The following ALK variants were observed in gnomAD, a reference collection of about 807,000 sequenced individuals.
ALK encodes ALK tyrosine kinase receptor.
In ALK, 74 loss-of-function variants were observed where a neutral mutation model predicts 163.1. The observed-to-expected ratio is 0.45, with a 90% CI of 0.38 to 0.55. ALK has a LOEUF of 0.55. ALK is among the 20% of genes least tolerant of loss of function. The pLI is 0.00. For synonymous variants in ALK, 960 were observed against 843.2 expected, an observed-to-expected ratio of 1.14 and a Z score of -2.40; for missense variants, 2,063 against 2,105.3, an observed-to-expected ratio of 0.98 and a Z score of 0.39.
intron 4 of ALK, among the ~76,000 whole-genome samples, chr2:29,427,157 T>TG (rs57583561): frequency 6.6e-5 from 10 of 151,206 alleles, no homozygotes; most frequent in African/African-American, 2.4e-4. Context: ...CACAAAGGAT[T>TG]GGGGGGGGCA....
At chr2:29,858,578 C>T (rs375921972) in intron 1 of ALK, among the ~76,000 whole-genome samples, 1 of 130,602 alleles carries the variant, frequency 7.7e-6, no homozygotes, top group Admixed American at 7.7e-5. Flanking sequence ...ACTAAAAATA[C>T]AAAAAAAAAA....
intron 3 of ALK, among the ~76,000 whole-genome samples, chr2:29,661,166 T>C (rs1677335614): frequency 6.6e-6 from 1 of 152,148 alleles, no homozygotes; most frequent in South Asian, 2.1e-4. Flanking sequence ...CAAGATATTA[T>C]TATTCTTATT....
chr2:29,769,809 G>A (rs1680966942), intron 1 of ALK, among the ~76,000 whole-genome samples: 1 of 152,210 alleles, frequency 6.6e-6, no homozygotes, highest in Non-Finnish European at 1.5e-5. Context: ...GCAAACAACA[G>A]CAACAGCGGT....
At chr2:29,687,849 A>G (rs1406634377) in intron 3 of ALK, among the ~76,000 whole-genome samples, 2 of 152,190 alleles carry the variant, frequency 1.3e-5, no homozygotes, top group Non-Finnish European at 1.5e-5. Flanking sequence ...ATTGTGGTAT[A>G]ATATTTTAGG....
At position 29,672,054 on chromosome 2, in the gene ALK, C is replaced by CTTT. The variant is rs34783503; in HGVS notation, c.952+22793_952+22795dup. Among the ~76,000 whole-genome samples, 635 of 142,442 alleles carry CTTT rather than the reference C, an allele frequency of 4.5e-3. 5 individuals carry two copies. Among genetic ancestry groups the CTTT allele is most frequent in the African/African-American group, 0.016 (602 of 38,646 alleles). 93.4% of individuals were successfully genotyped at this position (142,442 alleles called of 152,430 possible). ...GGTATACATGCTTCCAGGACATTTT[C>CTTT]TTTTTTTTTTTTTCATTTGAATTAG... On this transcript the variant is annotated intron_variant, in intron 3 of 28. Coordinates refer to ENST00000389048, the MANE Select transcript of ALK (RefSeq NM_004304.5).
At chr2:29,259,535 A>G (rs1402322376) in intron 11 of ALK, among the ~76,000 whole-genome samples, 1 of 152,098 alleles carries the variant, frequency 6.6e-6, no homozygotes, top group East Asian at 1.9e-4. Context: ...AGTGTTGATA[A>G]TATATTTTTC....
At chr2:29,195,609 C>A (rs1314558059) in intron 28 of ALK, among the ~76,000 whole-genome samples, 2 of 152,144 alleles carry the variant, frequency 1.3e-5, no homozygotes, top group African/African-American at 4.8e-5. Flanking sequence ...GTGGCACATG[C>A]CTGTAATCCT....
At chr2:29,444,846 T>C (rs6705045) in intron 4 of ALK, among the ~76,000 whole-genome samples, 127,020 of 151,868 alleles carry the variant, frequency 0.84, 54,065 homozygotes, top group Non-Finnish European at 0.93. Flanking sequence ...CTAGGGCTGC[T>C]GGTTATAGTA....
chr2:29,587,640 A>T (rs889603227), intron 3 of ALK, among the ~76,000 whole-genome samples: 2 of 152,168 alleles, frequency 1.3e-5, no homozygotes, highest in Non-Finnish European at 2.9e-5. Flanking sequence ...AACTGTCCAT[A>T]GCTTCACTTC....
intron 19 of ALK, among the ~76,000 whole-genome samples, chr2:29,224,095 T>G (rs988415237): frequency 2.0e-5 from 3 of 152,216 alleles, no homozygotes; most frequent in Admixed American, 6.5e-5. Context: ...ATTTCTGCTG[T>G]GCTCAGCCAT....
intron 4 of ALK, among the ~76,000 whole-genome samples, chr2:29,441,448 G>A (rs1670542789): frequency 6.6e-6 from 1 of 152,224 alleles, no homozygotes. Flanking sequence ...GGGCCATGAA[G>A]GCCTGACTGG....
intron 5 of ALK, among the ~76,000 whole-genome samples, chr2:29,381,293 C>T (rs763044084): frequency 1.3e-5 from 2 of 152,238 alleles, no homozygotes; most frequent in African/African-American, 2.4e-5. Flanking sequence ...TTGCGCATGG[C>T]GAGTGCTCTG....
At chr2:29,351,897 G>T (rs1458636102) in intron 5 of ALK, among the ~76,000 whole-genome samples, 1 of 152,122 alleles carries the variant, frequency 6.6e-6, no homozygotes, top group Non-Finnish European at 1.5e-5. Flanking sequence ...TAAGATCCCA[G>T]GACTCTCCTG....
At chr2:29,811,821 G>A (rs1664768440) in intron 1 of ALK, among the ~76,000 whole-genome samples, 1 of 152,132 alleles carries the variant, frequency 6.6e-6, no homozygotes, top group African/African-American at 2.4e-5. Flanking sequence ...CATAAATGAT[G>A]TCCAGAGTAA....
intron 4 of ALK, among the ~76,000 whole-genome samples, chr2:29,492,914 G>T (rs1362135121): frequency 1.3e-5 from 2 of 152,132 alleles, no homozygotes; most frequent in African/African-American, 2.4e-5. Context: ...AGAAAAGAAT[G>T]CAGGAATCAT....
intron 4 of ALK, among the ~76,000 whole-genome samples, chr2:29,415,646 C>G (rs879781192): frequency 6.6e-6 from 1 of 152,144 alleles, no homozygotes; most frequent in Non-Finnish European, 1.5e-5. Context: ...CTAAGGGATA[C>G]CCAGATGGCT....
intron 4 of ALK, among the ~76,000 whole-genome samples, chr2:29,493,637 T>C (rs943104620): frequency 1.3e-5 from 2 of 152,162 alleles, no homozygotes; most frequent in African/African-American, 4.8e-5. Context: ...AGGTCTCAGT[T>C]TCCTCATCTG....
intron 4 of ALK, among the ~76,000 whole-genome samples, chr2:29,500,179 G>A (rs945415252): frequency 6.6e-6 from 1 of 152,208 alleles, no homozygotes; most frequent in Admixed American, 6.5e-5. Flanking sequence ...GTAATACCCA[G>A]TGTTGGAGGT....
intron 4 of ALK, among the ~76,000 whole-genome samples, chr2:29,456,771 T>G (rs958759271): frequency 1.3e-5 from 2 of 152,204 alleles, no homozygotes; most frequent in East Asian, 3.9e-4. Flanking sequence ...ATTGTGGGGT[T>G]ATTTTTGAGG....
Sources: allele counts gnomAD v4.1 joint callset (sites outside exome capture counted in the v4.1 genomes callset), GRCh38; gene constraint gnomAD v4.1.1; transcripts MANE v1.5; gene names NCBI Gene and HGNC (gene_info 2026-07-23, HGNC 2026-07-21).